The following ZNF761 variants were observed in gnomAD, a reference collection of about 807,000 sequenced individuals.
The protein encoded by ZNF761 is zinc finger protein 761.
In ZNF761, 43 loss-of-function variants were observed where a neutral mutation model predicts 59.9. The ratio of observed to expected loss-of-function variants is 0.72; its 90% confidence interval spans 0.56 to 0.92. The LOEUF (loss-of-function observed/expected upper bound fraction) is 0.92, where lower values mean the gene tolerates loss of function less well. Ranked by LOEUF, ZNF761 falls within the 40% of genes least tolerant of loss-of-function variation. The pLI is 0.00. For synonymous variants in ZNF761, 294 were observed against 304.8 expected (o/e 0.96, Z 0.37); for missense variants, 850 against 906.1 (o/e 0.94, Z 0.79).
chr19:53,437,652 T>C (rs2086057328), intron 1 of ZNF761, among the ~76,000 whole-genome samples: 1 of 152,184 alleles, frequency 6.6e-6, no homozygotes, highest in African/African-American at 2.4e-5. Context: ...TCTGGCATCC[T>C]TGCCTTTTGG....
intron 1 of ZNF761, among the ~76,000 whole-genome samples, chr19:53,439,994 G>A (rs982052744): frequency 3.3e-5 from 5 of 152,008 alleles, no homozygotes; most frequent in African/African-American, 9.7e-5. Flanking sequence ...AATGATTTTT[G>A]TTCTTCTTGC....
At chr19:53,451,265 C>A (rs1041995520) in intron 4 of ZNF761, among the ~76,000 whole-genome samples, 1 of 152,176 alleles carries the variant, frequency 6.6e-6, no homozygotes, top group African/African-American at 2.4e-5. Context: ...TGCTGGAGTG[C>A]AATGGCACAA....
chr19:53,454,999 T>C lies in ZNF761; in HGVS notation c.492T>C (p.Val164=), dbSNP rs753767903. The change falls in exon 5 of 5, where the codon GTT becomes GTC. Residue 164 remains valine (V), a synonymous_variant. Transcript: ENST00000684525. ...FQTEEKIDNQ[V]VKSVHDASLV... is the part of the protein sequence containing the mutation. Reference sequence around the variant, plus strand: ...CCGAAGAGAAAATTGATAATCAAGTTGTGAAGTCTGTCCACGATGCTTCCT... The same window carrying C: ...CCGAAGAGAAAATTGATAATCAAGTCGTGAAGTCTGTCCACGATGCTTCCT... 3 of 1,614,072 alleles carry C rather than the reference T, an allele frequency of 1.9e-6. No homozygotes were observed. In the East Asian group the frequency reaches 6.7e-5, roughly 36 times the overall value.
intron 1 of ZNF761, chr19:53,442,473 T>C (rs1600087689): frequency 2.7e-6 from 2 of 753,370 alleles, no homozygotes; most frequent in East Asian, 2.4e-5. Flanking sequence ...CCATGCTGAG[T>C]TGGCTGAGAG....
chr19:53,453,007 G>A (rs1477599062), intron 4 of ZNF761, among the ~76,000 whole-genome samples: 5 of 152,142 alleles, frequency 3.3e-5, no homozygotes, highest in African/African-American at 7.2e-5. Flanking sequence ...TGCACATTCT[G>A]TGTTTTATAT....
At chr19:53,449,836 G>A in intron 4 of ZNF761, 198 bp downstream of exon 4, 1 of 1,358,966 alleles carries the variant, frequency 7.4e-7, no homozygotes, top group Non-Finnish European at 9.8e-7. Context: ...ACAGGTGCAT[G>A]CCACCATGTT....
chr19:53,456,585 A>G lies in ZNF761; in HGVS notation c.2078A>G (p.Asn693Ser). ...LHTGEKPYKC[N>S]ECGKNFSQKS... The stretch of plus-strand genomic sequence containing the variant: ...ACTGGAGAGAAACCTTATAAGTGTA[A>G]TGAGTGTGGCAAGAACTTTAGTCAG... The change falls in exon 5 of 5, where the codon AAT (asparagine) becomes AGT (serine). Residue 693 changes from asparagine (N) to serine (S), a missense_variant. Asn to Ser is a conservative substitution (Grantham distance 46, BLOSUM62 1). Coordinates refer to ENST00000684525, the MANE Select transcript of ZNF761 (RefSeq NM_001289951.2). The G allele has an allele frequency of 6.2e-7, 1 of 1,612,856 alleles. No homozygotes were observed. Among genetic ancestry groups the G allele is most frequent in the Non-Finnish European group, 8.5e-7 (1 of 1,179,268 alleles).
At chr19:53,448,128 A>C (rs1472632056) in intron 3 of ZNF761, among the ~76,000 whole-genome samples, 1 of 151,946 alleles carries the variant, frequency 6.6e-6, no homozygotes, top group Non-Finnish European at 1.5e-5. Context: ...CAGCCTCCCA[A>C]GTAGCTGGGA....
intron 1 of ZNF761, chr19:53,444,582 A>G (rs1273020999): frequency 2.6e-5 from 4 of 152,200 alleles, no homozygotes; most frequent in Non-Finnish European, 5.9e-5. Context: ...AGAGTGATCA[A>G]TAAATACTGA....
At chr19:53,449,737 A>G (rs112091667) in intron 4 of ZNF761, 99 bp downstream of exon 4, 66,371 of 1,536,100 alleles carry the variant, frequency 0.043, 3,357 homozygotes, top group African/African-American at 0.22. Flanking sequence ...CACCCAGGGT[A>G]GAGTGCAATG....
intron 1 of ZNF761, chr19:53,441,828 G>C (rs1600087124): frequency 6.9e-7 from 1 of 1,450,142 alleles, no homozygotes; most frequent in South Asian, 1.2e-5. Flanking sequence ...GGAGGAAGGA[G>C]GAACCGGAGT....
intron 4 of ZNF761, 200 bp downstream of exon 4, chr19:53,449,838 C>T (rs1041334904): frequency 6.7e-6 from 9 of 1,351,426 alleles, no homozygotes; most frequent in Non-Finnish European, 8.8e-6. Context: ...AGGTGCATGC[C>T]ACCATGTTTG....
At chr19:53,432,784 A>C (rs565910060) in intron 1 of ZNF761, among the ~76,000 whole-genome samples, 101 of 152,282 alleles carry the variant, frequency 6.6e-4, no homozygotes, top group Non-Finnish European at 1.2e-3. Flanking sequence ...AGAGACAGCA[A>C]AAGTGAAAAG....
rs2086286837 is a variant in ZNF761 at position 53,458,039 on chromosome 19, C to CT, written c.*1294dup. The stretch of plus-strand genomic sequence containing the variant: ...TTTGTACGTTTATTTCTAAGTATTT[C>CT]TTTAAGTTCTCCAGCAAATGGAAGT... On this transcript the variant is annotated 3_prime_UTR_variant, in exon 5 of 5. Coordinates refer to ENST00000684525, the MANE Select transcript of ZNF761 (RefSeq NM_001289951.2). 6.6e-6 allele frequency: 1 copy of CT among 152,342 alleles called. No homozygotes were observed. Among genetic ancestry groups the CT allele is most frequent in the Non-Finnish European group, 1.5e-5 (1 of 68,170 alleles). 9.4% of individuals were successfully genotyped at this position (152,342 alleles called of 1,614,324 possible). A position where few individuals can be genotyped will look rare whatever the true frequency, so the allele number is the denominator to read the frequency against.
chr19:53,442,144 TG>T (rs2086107562), intron 1 of ZNF761: 1 of 1,099,360 alleles, frequency 9.1e-7, no homozygotes. Flanking sequence ...CAAAGGTTAT[TG>T]AAATCTGGGC....
At chr19:53,433,333 C>G (rs892694328) in intron 1 of ZNF761, among the ~76,000 whole-genome samples, 2 of 151,128 alleles carry the variant, frequency 1.3e-5, no homozygotes, top group Non-Finnish European at 2.9e-5. Flanking sequence ...CTGGTGGCCT[C>G]GTAGCTGAGT....
chr19:53,433,311 G>A (rs1185354634), intron 1 of ZNF761, among the ~76,000 whole-genome samples: 1 of 151,856 alleles, frequency 6.6e-6, no homozygotes, highest in South Asian at 2.1e-4. Context: ...CATAACTTGT[G>A]TCCTTCCATA....
At chr19:53,450,012 T>C (rs1271905792) in intron 4 of ZNF761, 1 of 461,850 alleles carries the variant, frequency 2.2e-6, no homozygotes, top group Non-Finnish European at 3.7e-6. Flanking sequence ...TTAAGATTTT[T>C]GCATATGTGT....
At chr19:53,437,161 C>CA (rs952074356) in intron 1 of ZNF761, among the ~76,000 whole-genome samples, 4 of 151,362 alleles carry the variant, frequency 2.6e-5, no homozygotes, top group Non-Finnish European at 5.9e-5. Flanking sequence ...ACTAAAAATA[C>CA]AAAAAAAATA....
Sources: allele counts gnomAD v4.1 joint callset (sites outside exome capture counted in the v4.1 genomes callset), GRCh38; gene constraint gnomAD v4.1.1; transcripts MANE v1.5; gene names NCBI Gene and HGNC (gene_info 2026-07-23, HGNC 2026-07-21).